The following ELMO3 variants were observed in gnomAD, a reference collection of about 807,000 sequenced individuals.
ELMO3 encodes the protein engulfment and cell motility protein 3.
A neutral mutation model predicts 89.0 loss-of-function variants in ELMO3; 81 were observed. The ratio of observed to expected loss-of-function variants is 0.91; its 90% CI spans 0.76 to 1.09. The LOEUF is 1.09. Among genes scored for constraint, ELMO3 ranks in the 50% least tolerant of loss-of-function variants. ELMO3 has a pLI of 0.00. For synonymous variants in ELMO3, 406 were observed against 400.6 expected (o/e 1.01, Z -0.16); for missense variants, 959 against 972.8 (o/e 0.99, Z 0.19).
intron 14 of ELMO3, 31 bp downstream of exon 14, chr16:67,202,564 C>T (rs987104453): frequency 1.2e-6 from 2 of 1,612,404 alleles, no homozygotes; most frequent in Non-Finnish European, 1.7e-6. Flanking sequence ...GAGGCCTGGG[C>T]CAGGGCAGGG....
In ELMO3 at chr16:67,202,019, C is replaced by T; in HGVS notation, c.1093C>T (p.Leu365=). ...AQDLERVPPG[L]LALDNMLYFS... Reference sequence around the variant, plus strand: ...GGACCTGGAGCGCGTGCCCCCCGGTCTGCTGGCCCTGGACAACATGTTGTA... The same window carrying T: ...GGACCTGGAGCGCGTGCCCCCCGGTTTGCTGGCCCTGGACAACATGTTGTA... The change falls in exon 12 of 20, where the codon CTG becomes TTG. Residue 365 remains leucine (L), a synonymous_variant. Coordinates refer to ENST00000393997, the MANE Select transcript of ELMO3 (RefSeq NM_024712.5). 6.2e-7 allele frequency: 1 copy of T among 1,609,814 alleles called. No individual in the cohort carries two copies. Among genetic ancestry groups the T allele is most frequent in the Non-Finnish European group, 8.5e-7 (1 of 1,178,200 alleles).
intron 2 of ELMO3, 27 bp downstream of exon 2, chr16:67,199,620 G>A (rs1597278965): frequency 3.7e-6 from 6 of 1,607,958 alleles, no homozygotes; most frequent in Non-Finnish European, 5.1e-6. Context: ...CAGGGCCTGC[G>A]GAGGGCGGGA....
At chr16:67,202,099 G>T (rs545483773) in intron 12 of ELMO3, 21 bp downstream of exon 12, 5 of 1,611,226 alleles carry the variant, frequency 3.1e-6, no homozygotes, top group Admixed American at 1.7e-5. Context: ...GGGTAGGGTG[G>T]GGGGGTGGCA....
At chr16:67,202,816 G>A in intron 15 of ELMO3, 26 bp downstream of exon 15, 1 of 1,612,072 alleles carries the variant, frequency 6.2e-7, no homozygotes, top group Non-Finnish European at 8.5e-7. Context: ...TGGATCCTCA[G>A]TCCTAGCCCT....
At position 67,199,263 on chromosome 16, in the gene ELMO3, G is replaced by C; in HGVS notation, c.-64G>C. Reference sequence around the variant, plus strand: ...CTCGTCCCCAGGGGCCCCAGGCCAGGTGCACCCTTGGCCGCAGGTGCACGG... The same window carrying C: ...CTCGTCCCCAGGGGCCCCAGGCCAGCTGCACCCTTGGCCGCAGGTGCACGG... On this transcript the variant is annotated 5_prime_UTR_variant, in exon 1 of 20. Transcript: ENST00000393997. The C allele has an allele frequency of 6.2e-7, 1 of 1,612,004 alleles. No individual in the cohort carries two copies. Among genetic ancestry groups the C allele is most frequent in the Non-Finnish European group, 8.5e-7 (1 of 1,179,680 alleles).
In ELMO3 at chr16:67,203,534, G is replaced by A. The variant is rs560133039; in HGVS notation, c.1901G>A (p.Arg634His). The A allele has an allele frequency of 3.0e-5, 49 of 1,611,350 alleles. No homozygotes were observed. In the South Asian group the frequency reaches 3.8e-4, roughly 13 times the overall value. ...TTGGCCTTCTCAATCAGCTATGACC[G>A]TGGGGAGGAGGAAGCGTACCTCAAC... is the stretch of plus-strand genomic sequence containing the variant. The part of the protein sequence containing the change: ...YELAFSISYD[R>H]GEEEAYLNFI... The change falls in exon 19 of 20, where the codon CGT (arginine) becomes CAT (histidine). Residue 634 changes from arginine (R) to histidine (H), a missense_variant. By Grantham distance (29) the Arg-to-His change is conservative (BLOSUM62 0). Transcript: ENST00000393997. This position sits in a 1 kb window ranked among gnomAD's most constrained non-coding sequence, Gnocchi z 4.6.
Position 67,200,654 on chromosome 16 carries a change from C to T in ELMO3, c.514-3C>T, listed in dbSNP as rs1261534616. On this transcript the variant is annotated splice_polypyrimidine_tract_variant and splice_region_variant and intron_variant, in intron 6 of 19. Transcript: ENST00000393997. ...GAGGTGGTGACACCCCCGCCCCTTACAGGTGGTGTGCTACGTGAACATGAA... is the reference window on the plus strand; with the variant it reads ...GAGGTGGTGACACCCCCGCCCCTTATAGGTGGTGTGCTACGTGAACATGAA... 28 of 1,611,860 alleles carry T rather than the reference C, an allele frequency of 1.7e-5. No individual in the cohort carries two copies. The highest frequency in any genetic ancestry group is 2.3e-5 in the Non-Finnish European group (27 of 1,178,882).
At chr16:67,199,454 T>A in intron 1 of ELMO3, 50 bp downstream of exon 1, 1 of 1,593,916 alleles carries the variant, frequency 6.3e-7, no homozygotes, top group Non-Finnish European at 8.5e-7. Context: ...CACCTCCCGG[T>A]AGCCCCCTGG....
chr16:67,199,995 G>A lies in ELMO3; in HGVS notation c.237G>A (p.Thr79=). Residue 79 remains threonine, a synonymous_variant, in exon 4 of 20, where the codon ACG becomes ACA. Coordinates refer to ENST00000393997, the MANE Select transcript of ELMO3 (RefSeq NM_024712.5). ...ATGGCAGCATCCTGTGCCTCAGCAC[G>A]GCCCCAGTAATGCCCCTCCCGTCCC... is the stretch of plus-strand genomic sequence containing the variant. ...IKNGSILCLS[T]APDLEAEQLL... 6.2e-7 allele frequency: 1 copy of A among 1,613,654 alleles called. No homozygotes were observed. Among genetic ancestry groups the A allele is most frequent in the East Asian group, 2.2e-5 (1 of 44,860 alleles).
In ELMO3 at chr16:67,200,637, G is replaced by A. The variant is rs778697421; in HGVS notation, c.514-20G>A. On this transcript the variant is annotated intron_variant, in intron 6 of 19. Coordinates refer to ENST00000393997, the MANE Select transcript of ELMO3 (RefSeq NM_024712.5). ...CGGTCTTCCATGGGGGTGAGGTGGT[G>A]ACACCCCCGCCCCTTACAGGTGGTG... The A allele has an allele frequency of 1.9e-6, 3 of 1,609,280 alleles. No homozygotes were observed. The African/African-American group carries it at 4.0e-5, about 22-fold the overall frequency.
chr16:67,199,484 C>T lies in ELMO3; in HGVS notation c.79-69C>T, dbSNP rs1376613220. On this transcript the variant is annotated intron_variant, in intron 1 of 19. Transcript: ENST00000393997. ...CCCTGGCCCTCGGGGCAGCCCGCCC[C>T]ACCCCTCCCCCCAGGCTCCTCCCCA... The T allele has an allele frequency of 2.0e-6, 3 of 1,530,964 alleles. No individual in the cohort carries two copies. The Admixed American group carries it at 5.3e-5, about 27-fold the overall frequency. 94.8% of individuals were successfully genotyped at this position (1,530,964 alleles called of 1,614,324 possible).
At position 67,202,455 on chromosome 16, in the gene ELMO3, C is replaced by T. The variant is rs760145785; in HGVS notation, c.1320C>T (p.His440=). The T allele has an allele frequency of 2.1e-5, 34 of 1,613,562 alleles. No individual in the cohort carries two copies. Among genetic ancestry groups the T allele is most frequent in the Admixed American group, 5.0e-5 (3 of 60,014 alleles). ...PMFFGQDQSF[H]ELFCVGIQLL... is the part of the protein sequence containing the mutation. ...TCTTCGGCCAAGACCAGAGCTTCCA[C>T]GAGCTCTTCTGTGTGGGCATCCAGC... Residue 440 remains histidine (H), a synonymous_variant, in exon 14 of 20, where the codon CAC becomes CAT. Transcript: ENST00000393997.
chr16:67,203,085 C>A lies in ELMO3; in HGVS notation c.1676-34C>A. ...CGGCTGGCTTGGTGTCAGGACCTCT[C>A]AGCACTCTGGCCCTCTTCCCTTTCT... On this transcript the variant is annotated intron_variant, in intron 16 of 19. Transcript: ENST00000393997. This position sits in a 1 kb window ranked among gnomAD's most constrained non-coding sequence, Gnocchi z 4.6. The A allele has an allele frequency of 6.3e-7, 1 of 1,594,796 alleles. No individual in the cohort carries two copies. Among genetic ancestry groups the A allele is most frequent in the Non-Finnish European group, 8.5e-7 (1 of 1,171,664 alleles).
At chr16:67,200,590 A>AGCAGTGGG (rs748177880) in intron 6 of ELMO3, 40 bp downstream of exon 6, 8 of 1,612,414 alleles carry the variant, frequency 5.0e-6, no homozygotes, top group African/African-American at 1.3e-5. Context: ...GGGGCAGTGG[A>AGCAGTGGG]GCAGTGGGGC....
Position 67,199,136 on chromosome 16 carries a change from T to C in ELMO3, c.-191T>C. 1.3e-6 allele frequency: 2 copies of C among 1,597,048 alleles called. No homozygotes were observed. The highest frequency in any genetic ancestry group is 1.7e-6 in the Non-Finnish European group (2 of 1,174,454). ...CTACCCCCAGACTCCAACCCGGAAC[T>C]AACCTCGGCTCCCTTGGGAAGGCCG... On this transcript the variant is annotated 5_prime_UTR_variant, in exon 1 of 20. Transcript: ENST00000393997.
chr16:67,202,358 G>A, intron 13 of ELMO3, 39 bp from the exon 14 acceptor site: 1 of 1,613,586 alleles, frequency 6.2e-7, no homozygotes. Flanking sequence ...GGGGCTGTAT[G>A]CACTTTCTCC....
Position 67,203,162 on chromosome 16 carries a change from G to GCAGTACGGAGCTT in ELMO3, c.1729_1730insCTTCAGTACGGAG (p.Asp577AlafsTer53). On this transcript the variant is annotated frameshift_variant, in exon 17 of 20. Coordinates refer to ENST00000393997, the MANE Select transcript of ELMO3 (RefSeq NM_024712.5). LOFTEE classifies it high-confidence loss of function. The surrounding 1 kb of genome is among the most constrained non-coding windows in gnomAD (Gnocchi z 4.6). ...GCCTGTCCCCCAACCACAAGCTGCT[G>GCAGTACGGAGCTT]CAGTACGGAGACATGGAGGAGGGCG... 1 of 1,612,348 alleles carries GCAGTACGGAGCTT rather than the reference G, an allele frequency of 6.2e-7. No homozygotes were observed. The highest frequency in any genetic ancestry group is 1.1e-5 in the South Asian group (1 of 91,014).
At position 67,199,412 on chromosome 16, in the gene ELMO3, G is replaced by T. The variant is rs990405740; in HGVS notation, c.78+8G>T. On this transcript the variant is annotated splice_region_variant and intron_variant, in intron 1 of 19. Transcript: ENST00000393997. Reference sequence around the variant, plus strand: ...CTCATCCAGCTGGACCAGGTCACCCGGCTGGTCCCGCCTCCATCTGCCCCA... The same window carrying T: ...CTCATCCAGCTGGACCAGGTCACCCTGCTGGTCCCGCCTCCATCTGCCCCA... 1.2e-6 allele frequency: 2 copies of T among 1,603,622 alleles called. No homozygotes were observed. The highest frequency in any genetic ancestry group is 1.1e-5 in the South Asian group (1 of 91,020).
At position 67,201,793 on chromosome 16, in the gene ELMO3, G is replaced by C; in HGVS notation, c.970G>C (p.Gly324Arg). 1 of 1,612,002 alleles carries C rather than the reference G, an allele frequency of 6.2e-7. No homozygotes were observed. The highest frequency in any genetic ancestry group is 8.5e-7 in the Non-Finnish European group (1 of 1,180,022). ...VLRQAAFEVEGESSGAGLSAD... is the reference protein window; with the variant it reads ...VLRQAAFEVERESSGAGLSAD... ...ACGCCAGGCTGCCTTCGAGGTGGAG[G>C]GGGAGTCCTCGGGTGCCGGGCTAAG... is the stretch of plus-strand genomic sequence containing the variant. The change falls in exon 11 of 20, where the codon GGG (glycine) becomes CGG (arginine). Residue 324 changes from glycine to arginine, a missense_variant. Transcript: ENST00000393997.
Sources: gnomAD v4.1 joint callset for allele counts on GRCh38, gnomAD v4.1.1 for gene constraint, Gnocchi (gnomAD v3.1) non-coding constraint, MANE v1.5 for transcripts, NCBI Gene and HGNC (gene_info 2026-07-23, HGNC 2026-07-21) for gene names.